The following SAMTOR variants were observed in gnomAD, a reference collection of about 807,000 sequenced individuals.
The protein encoded by SAMTOR is UPF0532 protein C7orf60.
the SAMTOR span, among the ~76,000 whole-genome samples, chr7:112,894,145 G>C: frequency 1.3e-5 from 2 of 151,214 alleles, no homozygotes; most frequent in African/African-American, 4.9e-5. Context: ...GGAATAGAGA[G>C]GCCTGGGGGT....
the SAMTOR span, among the ~76,000 whole-genome samples, chr7:112,904,723 T>C: frequency 3.3e-5 from 5 of 152,144 alleles, no homozygotes; most frequent in Non-Finnish European, 5.9e-5. Context: ...ATAGAAAAAT[T>C]TCTTAAACTT....
chr7:112,930,728 A>G, the SAMTOR span, among the ~76,000 whole-genome samples: 2 of 152,296 alleles, frequency 1.3e-5, no homozygotes, highest in Admixed American at 1.3e-4. Flanking sequence ...CTATATGCCA[A>G]ATGTTGTTTT....
the SAMTOR span, among the ~76,000 whole-genome samples, chr7:112,889,694 T>A: frequency 1.3e-5 from 2 of 152,118 alleles, no homozygotes; most frequent in African/African-American, 4.8e-5. Context: ...AACAACTACT[T>A]TAGGGCTCAA....
At chr7:112,820,684 T>C in the SAMTOR span, 18 of 152,058 alleles carry the variant, frequency 1.2e-4, no homozygotes, top group Admixed American at 2.0e-4. Context: ...AGCCAACTAA[T>C]TGATATATTC....
At chr7:112,918,590 C>T in the SAMTOR span, among the ~76,000 whole-genome samples, 2 of 152,128 alleles carry the variant, frequency 1.3e-5, no homozygotes, top group South Asian at 2.1e-4. Flanking sequence ...CAAATTCACA[C>T]ATAACAATAT....
chr7:112,917,976 T>C, the SAMTOR span, among the ~76,000 whole-genome samples: 2 of 152,172 alleles, frequency 1.3e-5, no homozygotes, highest in Non-Finnish European at 2.9e-5. Context: ...GTCTGATTGG[T>C]GTACCTGAAA....
chr7:112,918,735 A>T, the SAMTOR span, among the ~76,000 whole-genome samples: 1 of 152,236 alleles, frequency 6.6e-6, no homozygotes, highest in Non-Finnish European at 1.5e-5. Context: ...TAGGCTCAAA[A>T]TAAAGGGATG....
the SAMTOR span, among the ~76,000 whole-genome samples, chr7:112,883,547 T>C: frequency 6.6e-6 from 1 of 152,238 alleles, no homozygotes; most frequent in Admixed American, 6.5e-5. Flanking sequence ...TTCCTATTTA[T>C]AGCAAGGGTA....
At chr7:112,852,246 A>G in the SAMTOR span, among the ~76,000 whole-genome samples, 3 of 152,196 alleles carry the variant, frequency 2.0e-5, no homozygotes, top group African/African-American at 7.2e-5. Context: ...TGTGGTGTAT[A>G]TATGTACATA....
chr7:112,929,888 A>G, the SAMTOR span, among the ~76,000 whole-genome samples: 14 of 152,122 alleles, frequency 9.2e-5, no homozygotes, highest in Non-Finnish European at 1.8e-4. Context: ...ATATCTCAAT[A>G]AATTTAATTT....
the SAMTOR span, among the ~76,000 whole-genome samples, chr7:112,897,270 C>T: frequency 1.3e-5 from 2 of 152,022 alleles, no homozygotes; most frequent in Non-Finnish European, 2.9e-5. Context: ...TGTAAATACC[C>T]ACTAACTGTA....
the SAMTOR span, among the ~76,000 whole-genome samples, chr7:112,914,133 T>C: frequency 2.6e-5 from 4 of 152,188 alleles, no homozygotes; most frequent in Non-Finnish European, 5.9e-5. Context: ...GAAATATGCA[T>C]TATTACAGTT....
At chr7:112,891,737 A>G in the SAMTOR span, among the ~76,000 whole-genome samples, 3 of 152,246 alleles carry the variant, frequency 2.0e-5, no homozygotes, top group Non-Finnish European at 4.4e-5. Flanking sequence ...CTAAAAAACA[A>G]TGTACAGATC....
the SAMTOR span, among the ~76,000 whole-genome samples, chr7:112,844,546 G>A: frequency 2.0e-5 from 3 of 151,952 alleles, no homozygotes. Flanking sequence ...TGGCTAACCC[G>A]GAAGGTGGAT....
chr7:112,898,380 T>A, the SAMTOR span, among the ~76,000 whole-genome samples: 1 of 150,850 alleles, frequency 6.6e-6, no homozygotes, highest in East Asian at 2.0e-4. Flanking sequence ...TTCTAGGCAG[T>A]ACAGTGTAGA....
At chr7:112,839,109 C>T in the SAMTOR span, among the ~76,000 whole-genome samples, 3 of 151,758 alleles carry the variant, frequency 2.0e-5, no homozygotes, top group Non-Finnish European at 4.4e-5. Flanking sequence ...GGTTAAGCCT[C>T]GATGATCTTA....
the SAMTOR span, among the ~76,000 whole-genome samples, chr7:112,869,070 C>T: frequency 6.6e-6 from 1 of 152,118 alleles, no homozygotes; most frequent in African/African-American, 2.4e-5. Context: ...ACGTGGCCTG[C>T]CAAAGCCTTC....
chr7:112,915,249 AAAG>A, the SAMTOR span: 8 of 1,511,898 alleles, frequency 5.3e-6, no homozygotes, highest in African/African-American at 1.4e-5. Flanking sequence ...GAAAAAAAAA[AAAG>A]AAGTTACAAC....
the SAMTOR span, among the ~76,000 whole-genome samples, chr7:112,914,670 T>C: frequency 5.3e-5 from 8 of 152,282 alleles, no homozygotes; most frequent in African/African-American, 1.7e-4. Context: ...TAAATAATTA[T>C]CTAAAGAAAT....
Sources: allele counts gnomAD v4.1 joint callset (sites outside exome capture counted in the v4.1 genomes callset), GRCh38; gene constraint gnomAD v4.1.1; transcripts MANE v1.5; gene names NCBI Gene and HGNC (gene_info 2026-07-23, HGNC 2026-07-21).